Variants in SLC17A4 observed in about 807,000 individuals in gnomAD.
SLC17A4 encodes the protein probable small intestine urate exporter.
Under a neutral mutation model 52.5 loss-of-function variants are expected in SLC17A4, and 33 were observed. The ratio of observed to expected loss-of-function variants is 0.63; its 90% CI spans 0.48 to 0.84. The LOEUF is 0.84. Ranked by LOEUF, SLC17A4 falls within the 40% of genes least tolerant of loss-of-function variation. The pLI is 0.00. For synonymous variants in SLC17A4, 225 were observed against 216.2 expected (o/e 1.04, Z -0.36); for missense variants, 585 against 597.1 (o/e 0.98, Z 0.21).
At position 25,776,911 on chromosome 6, in the gene SLC17A4, G is replaced by A. The variant is rs370052453; in HGVS notation, c.1220G>A (p.Ser407Asn). 1.9e-6 allele frequency: 3 copies of A among 1,613,624 alleles called. No homozygotes were observed. The highest frequency in any genetic ancestry group is 2.5e-6 in the Non-Finnish European group (3 of 1,179,810). The change falls in exon 10 of 12, where the codon AGC becomes AAC. Residue 407 changes from serine to asparagine, a missense_variant. By Grantham distance (46) the Ser-to-Asn change is conservative. Transcript: ENST00000377905. ...TTGGTGCTGTCTTCTGCCATCAGCAGCTTCTGTGAATCAGGAGCCCTTGTT... is the reference window on the plus strand; with the variant it reads ...TTGGTGCTGTCTTCTGCCATCAGCAACTTCTGTGAATCAGGAGCCCTTGTT... ...TFLVLSSAIS[S>N]FCESGALVNF...
rs75665979 is a variant in SLC17A4 at position 25,765,385 on chromosome 6, A to C, written c.91+3332A>C. ...ATCCCCATTTTGTAGGAGCCTGCTC[A>C]GGCACAGAGGGATGAAGTAACACAT... On this transcript the variant is annotated intron_variant, in intron 2 of 11. Coordinates refer to ENST00000377905, the MANE Select transcript of SLC17A4 (RefSeq NM_005495.3). Among the ~76,000 whole-genome samples the C allele has an allele frequency of 1.6e-3, 248 of 152,354 alleles. 8 individuals carry two copies. The South Asian group carries it at 0.022, about 14-fold the overall frequency.
At position 25,770,587 on chromosome 6, in the gene SLC17A4, T is replaced by C. The variant is rs1411906094; in HGVS notation, c.619+116T>C. ...CTCTGTGTCTTCATAGTCCTTTCCT[T>C]AAAGCACTACCCCATACTGCCTTAC... is the stretch of plus-strand genomic sequence containing the variant. On this transcript the variant is annotated intron_variant, in intron 5 of 11. Coordinates refer to ENST00000377905, the MANE Select transcript of SLC17A4 (RefSeq NM_005495.3). 3 of 928,148 alleles carry C rather than the reference T, an allele frequency of 3.2e-6. No homozygotes were observed. The East Asian group carries it at 7.4e-5, about 23-fold the overall frequency. 57.5% of individuals were successfully genotyped at this position (928,148 alleles called of 1,614,324 possible).
intron 1 of SLC17A4, among the ~76,000 whole-genome samples, chr6:25,760,488 T>G (rs1427620531): frequency 6.6e-6 from 1 of 152,184 alleles, no homozygotes; most frequent in Non-Finnish European, 1.5e-5. Flanking sequence ...TCATTTTGAT[T>G]CCTGAATCTG....
intron 2 of SLC17A4, chr6:25,768,436 G>A (rs1762200816): frequency 1.0e-6 from 1 of 971,464 alleles, no homozygotes; most frequent in Non-Finnish European, 1.2e-6. Context: ...CAAATTTTGT[G>A]TAAGCATAGA....
At chr6:25,775,099 G>A (rs1762790618) in intron 8 of SLC17A4, among the ~76,000 whole-genome samples, 1 of 152,190 alleles carries the variant, frequency 6.6e-6, no homozygotes, top group Admixed American at 6.5e-5. Context: ...GGAGGATGAG[G>A]CAGGTGGATC....
chr6:25,772,504 C>T (rs1185842062), intron 6 of SLC17A4, among the ~76,000 whole-genome samples: 1 of 152,052 alleles, frequency 6.6e-6, no homozygotes, highest in Non-Finnish European at 1.5e-5. Context: ...TCTTAAGATT[C>T]TAAAAAGGGA....
Position 25,777,949 on chromosome 6 carries a change from T to C in SLC17A4, c.1292T>C (p.Leu431Pro). The C allele has an allele frequency of 6.2e-7, 1 of 1,613,254 alleles. No homozygotes were observed. Among genetic ancestry groups the C allele is most frequent in the Non-Finnish European group, 8.5e-7 (1 of 1,179,624 alleles). Residue 431 changes from leucine to proline, a missense_variant, in exon 11 of 12, where the codon CTA (leucine) becomes CCA (proline). Leu to Pro is a moderately conservative substitution (Grantham distance 98, BLOSUM62 -3). Transcript: ENST00000377905. ...AGGTACACTGGCTTTCTCAAAGGAC[T>C]ATTGCAAGTCTTTGCACACATAGCT... ...APRYTGFLKG[L>P]LQVFAHIAGA...
intron 1 of SLC17A4, among the ~76,000 whole-genome samples, chr6:25,760,849 A>G (rs1373245514): frequency 2.0e-5 from 3 of 152,076 alleles, no homozygotes; most frequent in Non-Finnish European, 4.4e-5. Context: ...TCTAGGGTCC[A>G]TATTTTATTT....
intron 1 of SLC17A4, among the ~76,000 whole-genome samples, chr6:25,757,875 T>C (rs576722577): frequency 1.3e-5 from 2 of 152,206 alleles, no homozygotes; most frequent in Non-Finnish European, 2.9e-5. Context: ...TTAGGGTTCC[T>C]TTCTCAGGTG....
intron 2 of SLC17A4, 109 bp downstream of exon 2, chr6:25,762,162 T>A: frequency 1.2e-6 from 1 of 852,230 alleles, no homozygotes; most frequent in South Asian, 1.8e-5. Context: ...TTGATACACA[T>A]CATTTTCCTT....
At chr6:25,776,392 C>G (rs74968187) in intron 8 of SLC17A4, among the ~76,000 whole-genome samples, 11,997 of 151,164 alleles carry the variant, frequency 0.079, 886 homozygotes, top group African/African-American at 0.2. Flanking sequence ...ATAAAGAGAG[C>G]CTTGTTCTTT....
chr6:25,763,678 C>A (rs1188412921), intron 2 of SLC17A4, among the ~76,000 whole-genome samples: 2 of 152,164 alleles, frequency 1.3e-5, no homozygotes, highest in African/African-American at 4.8e-5. Context: ...TATCTGGTCA[C>A]CTGCTTATGC....
Position 25,779,414 on chromosome 6 carries a change from A to G in SLC17A4, c.*226A>G. ...GTGTGTTGAGATTTCTGTGTTCTCC[A>G]CTCTTCCACTGTTATCCTAGTAAAA... is the stretch of plus-strand genomic sequence containing the variant. On this transcript the variant is annotated 3_prime_UTR_variant, in exon 12 of 12. Transcript: ENST00000377905. 2.1e-6 allele frequency: 1 copy of G among 478,390 alleles called. No individual in the cohort carries two copies. Among genetic ancestry groups the G allele is most frequent in the Non-Finnish European group, 3.6e-6 (1 of 277,900 alleles). The allele number at this position is 478,390 out of a possible 1,614,324, so 29.6% of individuals were successfully genotyped here.
intron 6 of SLC17A4, 133 bp downstream of exon 6, chr6:25,771,145 T>C (rs1308517019): frequency 1.4e-6 from 1 of 722,780 alleles, no homozygotes; most frequent in African/African-American, 1.8e-5. Context: ...GCCAACTACA[T>C]TTAACATTTA....
At chr6:25,766,596 C>A (rs1205940190) in intron 2 of SLC17A4, among the ~76,000 whole-genome samples, 2 of 152,150 alleles carry the variant, frequency 1.3e-5, no homozygotes, top group South Asian at 4.1e-4. Flanking sequence ...ATCAACTCAA[C>A]AGTAAGAAGT....
intron 1 of SLC17A4, among the ~76,000 whole-genome samples, chr6:25,756,426 C>T (rs1233900302): frequency 6.6e-6 from 1 of 152,178 alleles, no homozygotes; most frequent in African/African-American, 2.4e-5. Flanking sequence ...CCCTCCTCTC[C>T]TGATGCTAAT....
In SLC17A4 at chr6:25,762,054, G is replaced by C; in HGVS notation, c.91+1G>C. 1 of 1,612,120 alleles carries C rather than the reference G, an allele frequency of 6.2e-7. No homozygotes were observed. The highest frequency in any genetic ancestry group is 8.5e-7 in the Non-Finnish European group (1 of 1,178,926). ...GCTCAAGAGGAATGCTCCAGGAAAG[G>C]TAAAATCATGCACAGTAATCTGGTA... On this transcript the variant is annotated splice_donor_variant, in intron 2 of 11. Coordinates refer to ENST00000377905, the MANE Select transcript of SLC17A4 (RefSeq NM_005495.3). LOFTEE classifies it high-confidence loss of function.
chr6:25,770,591 G>T, intron 5 of SLC17A4, 120 bp downstream of exon 5: 2 of 900,536 alleles, frequency 2.2e-6, no homozygotes, highest in Non-Finnish European at 3.6e-6. Flanking sequence ...TTTCCTTAAA[G>T]CACTACCCCA....
rs1763243544 is a variant in SLC17A4, at chr6:25,780,569, T to C, written c.*1381T>C. 2.0e-5 allele frequency: 3 copies of C among 152,084 alleles called. No homozygotes were observed. The highest frequency in any genetic ancestry group is 4.2e-4 in the South Asian group (2 of 4,810). 9.4% of individuals were successfully genotyped at this position (152,084 alleles called of 1,614,324 possible). On this transcript the variant is annotated 3_prime_UTR_variant, in exon 12 of 12. Coordinates refer to ENST00000377905, the MANE Select transcript of SLC17A4 (RefSeq NM_005495.3). Reference sequence around the variant, plus strand: ...CAGAGTATAGAGAATAAGGGAAGTATGATTTGTGAGGAGACTGTAGAAGAA... The same window carrying C: ...CAGAGTATAGAGAATAAGGGAAGTACGATTTGTGAGGAGACTGTAGAAGAA...
Sources: gnomAD v4.1 joint callset for allele counts (sites outside exome capture counted in the v4.1 genomes callset) on GRCh38, gnomAD v4.1.1 for gene constraint, MANE v1.5 for transcripts, NCBI Gene and HGNC (gene_info 2026-07-23, HGNC 2026-07-21) for gene names.